JAM2: variants seen among roughly 807,000 people sequenced by gnomAD.
The protein encoded by JAM2 is junctional adhesion molecule 2, also known as junctional adhesion molecule B.
In JAM2, 17 loss-of-function variants were observed where a neutral mutation model predicts 42.0. The observed-to-expected ratio is 0.40, with a 90% CI of 0.28 to 0.61. The LOEUF (loss-of-function observed/expected upper bound fraction) is 0.61, where lower values mean the gene tolerates loss of function less well. Ranked by LOEUF, JAM2 falls within the 20% of genes least tolerant of loss-of-function variation. The pLI is 0.37. For synonymous variants in JAM2, 118 were observed against 128.6 expected, an observed-to-expected ratio of 0.92 and a Z score of 0.56; for missense variants, 319 against 358.3, an observed-to-expected ratio of 0.89 and a Z score of 0.89.
intron 1 of JAM2, among the ~76,000 whole-genome samples, chr21:25,660,211 C>CA (rs1385487709): frequency 1.3e-5 from 2 of 152,202 alleles, no homozygotes; most frequent in South Asian, 4.1e-4. Context: ...TGAGCCACTG[C>CA]ACCCAGCCCC....
intron 1 of JAM2, among the ~76,000 whole-genome samples, chr21:25,670,256 G>T (rs1295720127): frequency 6.6e-6 from 1 of 152,114 alleles, no homozygotes; most frequent in Non-Finnish European, 1.5e-5. Context: ...GGCCGAGGTA[G>T]GTAGGTCCCT....
intron 1 of JAM2, among the ~76,000 whole-genome samples, chr21:25,641,247 G>C (rs1444187980): frequency 1.3e-5 from 2 of 152,198 alleles, no homozygotes; most frequent in African/African-American, 4.8e-5. Flanking sequence ...TATGTATTCT[G>C]CTGAAATTCT....
intron 5 of JAM2, among the ~76,000 whole-genome samples, chr21:25,701,148 T>C (rs1009807664): frequency 1.3e-5 from 2 of 152,214 alleles, no homozygotes; most frequent in African/African-American, 4.8e-5. Flanking sequence ...TGCTGGAAGA[T>C]CATTTTGGGT....
chr21:25,692,634 T>G (rs140932196), intron 3 of JAM2: 1 of 152,182 alleles, frequency 6.6e-6, no homozygotes, highest in Non-Finnish European at 1.5e-5. Flanking sequence ...AAAACATACA[T>G]GAATGAACTT....
At chr21:25,696,606 G>A (rs1452473654) in intron 4 of JAM2, among the ~76,000 whole-genome samples, 1 of 152,088 alleles carries the variant, frequency 6.6e-6, no homozygotes, top group African/African-American at 2.4e-5. Context: ...AAGAAGACTG[G>A]GTATCTGCCC....
intron 1 of JAM2, among the ~76,000 whole-genome samples, chr21:25,647,135 A>G (rs1321586924): frequency 6.6e-6 from 1 of 152,200 alleles, no homozygotes; most frequent in Non-Finnish European, 1.5e-5. Flanking sequence ...AATACATACT[A>G]TGGACAAAAC....
chr21:25,689,413 A>G (rs1336219938), intron 2 of JAM2, among the ~76,000 whole-genome samples: 1 of 152,208 alleles, frequency 6.6e-6, no homozygotes, highest in Non-Finnish European at 1.5e-5. Context: ...CCATCTGCAT[A>G]GCTGGTATTC....
chr21:25,691,145 A>G (rs759942818), intron 3 of JAM2, among the ~76,000 whole-genome samples: 13 of 152,242 alleles, frequency 8.5e-5, no homozygotes, highest in Non-Finnish European at 1.9e-4. Context: ...TAAACATGTT[A>G]TGATTTTAAA....
Position 25,673,968 on chromosome 21 carries a change from T to A in JAM2, c.68-9915T>A, listed in dbSNP as rs547217314. Among the ~76,000 whole-genome samples, 21 of 152,304 alleles carry A rather than the reference T, an allele frequency of 1.4e-4. No individual in the cohort carries two copies. The South Asian group carries it at 2.3e-3, about 17-fold the overall frequency. ...CGATCTGATGGTTTTATAAGGGGTT[T>A]CCCCTTTTGCTTGGCTCTCATTCTC... On this transcript the variant is annotated intron_variant, in intron 1 of 9. Coordinates refer to ENST00000480456, the MANE Select transcript of JAM2 (RefSeq NM_021219.4).
Position 25,709,418 on chromosome 21 carries a change from ACTTTTTCTTT to A in JAM2, c.806-15_806-6del, listed in dbSNP as rs1299525299. ...AATAACCCTTGCATTAATGATATAT[ACTTTTTCTTT>A]TGTAGAAGAAACCTCCTTCCAGTAA... On this transcript the variant is annotated splice_region_variant and splice_polypyrimidine_tract_variant and intron_variant, in intron 7 of 9. Coordinates refer to ENST00000480456, the MANE Select transcript of JAM2 (RefSeq NM_021219.4). 7.4e-7 allele frequency: 1 copy of A among 1,358,206 alleles called. No homozygotes were observed. Among genetic ancestry groups the A allele is most frequent in the Non-Finnish European group, 1.0e-6 (1 of 964,808 alleles). The allele number at this position is 1,358,206 out of a possible 1,614,324, so 84.1% of individuals were successfully genotyped here. A position where few individuals can be genotyped will look rare whatever the true frequency, so the allele number is the denominator to read the frequency against.
intron 6 of JAM2, among the ~76,000 whole-genome samples, chr21:25,703,784 C>CAA (rs2034216756): frequency 6.9e-6 from 1 of 144,402 alleles, no homozygotes; most frequent in Non-Finnish European, 1.5e-5. Flanking sequence ...AAAAAAAACA[C>CAA]AAAATATTTT....
rs1381452551 is a variant in JAM2 at position 25,675,335 on chromosome 21, T to TTACAAAATTTCGC, written c.68-8546_68-8545insCAAAATTTCGCTA. On this transcript the variant is annotated intron_variant, in intron 1 of 9. Coordinates refer to ENST00000480456, the MANE Select transcript of JAM2 (RefSeq NM_021219.4). ...ACATGGTGAAACCCCATCTCCACTA[T>TTACAAAATTTCGC]TAGTACAAAAATTCACAGGACATGG... 2.0e-5 allele frequency among the ~76,000 whole-genome samples: 3 copies of TTACAAAATTTCGC among 151,946 alleles called. No individual in the cohort carries two copies. In the South Asian group the frequency reaches 6.2e-4, roughly 32 times the overall value.
chr21:25,692,430 T>A (rs1404333494), intron 3 of JAM2: 1 of 205,096 alleles, frequency 4.9e-6, no homozygotes, highest in African/African-American at 2.3e-5. Context: ...GCATATGGAC[T>A]GACAGACAGG....
intron 1 of JAM2, among the ~76,000 whole-genome samples, chr21:25,673,817 C>T (rs753634345): frequency 3.9e-5 from 6 of 152,196 alleles, no homozygotes; most frequent in Non-Finnish European, 7.3e-5. Context: ...TGTCCCCACC[C>T]AAATCTCATC....
intron 1 of JAM2, among the ~76,000 whole-genome samples, chr21:25,646,233 G>A (rs1228057842): frequency 6.6e-6 from 1 of 152,196 alleles, no homozygotes; most frequent in African/African-American, 2.4e-5. Flanking sequence ...GACTGCATTT[G>A]AAATGTAGTT....
Position 25,715,945 on chromosome 21 carries a change from C to T in JAM2, c.*1273C>T, listed in dbSNP as rs2034469778. On this transcript the variant is annotated 3_prime_UTR_variant, in exon 10 of 10. Transcript: ENST00000480456. ...CAAATGTGGATGAAAAGGTCACTTG[C>T]TACCTTTGACAACTATGAACATGAT... is the stretch of plus-strand genomic sequence containing the variant. The T allele has an allele frequency of 6.6e-6, 1 of 151,174 alleles. No individual in the cohort carries two copies. The highest frequency in any genetic ancestry group is 1.5e-5 in the Non-Finnish European group (1 of 67,898). 9.4% of individuals were successfully genotyped at this position (151,174 alleles called of 1,614,324 possible).
chr21:25,712,773 T>A (rs1221935604), intron 9 of JAM2, among the ~76,000 whole-genome samples: 1 of 152,170 alleles, frequency 6.6e-6, no homozygotes, highest in Non-Finnish European at 1.5e-5. Flanking sequence ...CCCTGTAGCT[T>A]GACCAAGCAG....
At position 25,702,275 on chromosome 21, in the gene JAM2, CA is replaced by C. The variant is rs1372796252; in HGVS notation, c.697+7del. ...TGGGAAACGAATGCAAGTAGGTAAG[CA>C]TGAAATATTGGGAGGAACAAATGGT... On this transcript the variant is annotated splice_region_variant and intron_variant, in intron 6 of 9. Transcript: ENST00000480456. 1 of 1,564,686 alleles carries C rather than the reference CA, an allele frequency of 6.4e-7. No homozygotes were observed. The highest frequency in any genetic ancestry group is 1.7e-5 in the Admixed American group (1 of 59,622).
chr21:25,649,258 G>A (rs2032701817), intron 1 of JAM2, among the ~76,000 whole-genome samples: 1 of 152,200 alleles, frequency 6.6e-6, no homozygotes, highest in African/African-American at 2.4e-5. Flanking sequence ...CCAAGACTGG[G>A]TAATTTACAA....
Sources: gnomAD v4.1 joint callset for allele counts (sites outside exome capture counted in the v4.1 genomes callset) on GRCh38, gnomAD v4.1.1 for gene constraint, MANE v1.5 for transcripts, NCBI Gene and HGNC (gene_info 2026-07-23, HGNC 2026-07-21) for gene names.